The following CDKAL1 variants were observed in gnomAD, a reference collection of about 807,000 sequenced individuals.
CDKAL1 encodes the protein CDKAL1 threonylcarbamoyladenosine tRNA methylthiotransferase.
CDKAL1 carries 32 observed loss-of-function variants against 68.2 expected under a neutral mutation model. That is an observed-to-expected ratio of 0.47 (90% CI 0.35 to 0.63). The LOEUF (loss-of-function observed/expected upper bound fraction) is 0.63, where lower values mean the gene tolerates loss of function less well. Among genes scored for constraint, CDKAL1 ranks in the 30% least tolerant of loss-of-function variants. The probability of loss-of-function intolerance (pLI) is 0.00; values close to 1 mark genes in which losing one functional copy is unlikely to be tolerated. For synonymous variants in CDKAL1, 234 were observed against 244.3 expected (o/e 0.96, Z 0.39); for missense variants, 606 against 696.7 (o/e 0.87, Z 1.47).
intron 9 of CDKAL1, among the ~76,000 whole-genome samples, chr6:20,952,986 C>T (rs1478734609): frequency 6.6e-6 from 1 of 152,248 alleles, no homozygotes; most frequent in East Asian, 1.9e-4. Flanking sequence ...AGAACAAGAT[C>T]ATCTTTGACA....
At chr6:20,793,300 A>G (rs1198339221) in intron 8 of CDKAL1, among the ~76,000 whole-genome samples, 2 of 152,120 alleles carry the variant, frequency 1.3e-5, no homozygotes, top group Admixed American at 6.6e-5. Context: ...TTAATTCTCA[A>G]TTATATGCAA....
At chr6:20,556,883 A>G (rs940530973) in intron 4 of CDKAL1, among the ~76,000 whole-genome samples, 15 of 151,592 alleles carry the variant, frequency 9.9e-5, no homozygotes, top group Admixed American at 2.6e-4. Flanking sequence ...TAAAAGTACA[A>G]AAAAATTAGC....
chr6:21,205,730 A>G (rs1258813334), intron 15 of CDKAL1, among the ~76,000 whole-genome samples: 1 of 147,210 alleles, frequency 6.8e-6, no homozygotes, highest in African/African-American at 2.5e-5. Flanking sequence ...ACGGGGTTTC[A>G]CTGTGTTAGC....
chr6:20,923,468 C>A (rs1763050827), intron 9 of CDKAL1, among the ~76,000 whole-genome samples: 1 of 152,052 alleles, frequency 6.6e-6, no homozygotes, highest in Non-Finnish European at 1.5e-5. Context: ...GATCAATGAT[C>A]TTTGAGGTTA....
chr6:20,777,484 G>A (rs1457802350), intron 7 of CDKAL1, among the ~76,000 whole-genome samples: 5 of 152,014 alleles, frequency 3.3e-5, no homozygotes, highest in South Asian at 2.1e-4. Context: ...ACGTGGTGGC[G>A]CACACCTATA....
chr6:20,805,870 AAACTT>A (rs1417875277), intron 8 of CDKAL1, among the ~76,000 whole-genome samples: 1 of 152,254 alleles, frequency 6.6e-6, no homozygotes, highest in East Asian at 1.9e-4. Context: ...CACTGAAAAT[AAACTT>A]AAGACTATTT....
intron 12 of CDKAL1, among the ~76,000 whole-genome samples, chr6:21,075,875 T>C (rs542866938): frequency 6.6e-6 from 1 of 152,304 alleles, no homozygotes; most frequent in South Asian, 2.1e-4. Flanking sequence ...GAAATTATTG[T>C]GAAATCTTTA....
intron 12 of CDKAL1, among the ~76,000 whole-genome samples, chr6:21,076,878 G>A (rs906112071): frequency 6.6e-6 from 1 of 151,930 alleles, no homozygotes; most frequent in African/African-American, 2.4e-5. Flanking sequence ...ATTTTCGATG[G>A]AGTTTTTAGC....
chr6:21,085,731 T>C (rs1213603677), intron 12 of CDKAL1, among the ~76,000 whole-genome samples: 1 of 152,224 alleles, frequency 6.6e-6, no homozygotes, highest in East Asian at 1.9e-4. Context: ...CTCCTGGATC[T>C]ACAGCCGCAT....
intron 8 of CDKAL1, among the ~76,000 whole-genome samples, chr6:20,811,803 A>T (rs1282288304): frequency 2.0e-5 from 3 of 151,202 alleles, no homozygotes; most frequent in African/African-American, 7.3e-5. Context: ...AAAAAAAAAA[A>T]GCCTGGACTG....
At chr6:20,698,333 C>A (rs1771195280) in intron 5 of CDKAL1, among the ~76,000 whole-genome samples, 1 of 152,164 alleles carries the variant, frequency 6.6e-6, no homozygotes, top group Non-Finnish European at 1.5e-5. Flanking sequence ...AAATAACATC[C>A]TACATTATTA....
At chr6:20,700,056 AT>A (rs879622187) in intron 5 of CDKAL1, among the ~76,000 whole-genome samples, 2,422 of 143,920 alleles carry the variant, frequency 0.017, 46 homozygotes, top group African/African-American at 0.051. Context: ...TGGATTAGGC[AT>A]TTTTTTTTTT....
chr6:21,130,130 T>A (rs1234993069), intron 13 of CDKAL1, among the ~76,000 whole-genome samples: 3 of 152,148 alleles, frequency 2.0e-5, no homozygotes, highest in Non-Finnish European at 1.5e-5. Flanking sequence ...TTTTAATGTT[T>A]GCATTTCACA....
intron 5 of CDKAL1, among the ~76,000 whole-genome samples, chr6:20,705,565 C>G (rs952527896): frequency 1.4e-4 from 22 of 152,114 alleles, no homozygotes; most frequent in African/African-American, 4.8e-4. Context: ...TTCAGACATT[C>G]GGAGATCTCA....
intron 5 of CDKAL1, among the ~76,000 whole-genome samples, chr6:20,704,672 C>G (rs1378119824): frequency 6.6e-6 from 1 of 152,100 alleles, no homozygotes; most frequent in Admixed American, 6.5e-5. Flanking sequence ...CAGTATAAAA[C>G]CAGAAAACAA....
At chr6:20,893,301 G>A (rs763988433) in intron 9 of CDKAL1, among the ~76,000 whole-genome samples, 3 of 152,082 alleles carry the variant, frequency 2.0e-5, no homozygotes, top group African/African-American at 4.8e-5. Context: ...TGAGGTGTTC[G>A]CTGGCCTTTT....
chr6:20,828,978 A>T (rs1380098998), intron 8 of CDKAL1, among the ~76,000 whole-genome samples: 1 of 152,156 alleles, frequency 6.6e-6, no homozygotes, highest in East Asian at 1.9e-4. Flanking sequence ...AGCTCGCATA[A>T]TGTTCTCAAG....
At chr6:20,623,012 T>C (rs891329068) in intron 4 of CDKAL1, among the ~76,000 whole-genome samples, 3 of 152,130 alleles carry the variant, frequency 2.0e-5, no homozygotes, top group Admixed American at 1.3e-4. Flanking sequence ...TGTCTAAGCA[T>C]ATTTGTGGTG....
At chr6:20,847,718 C>T (rs193071145) in intron 9 of CDKAL1, among the ~76,000 whole-genome samples, 1 of 152,252 alleles carries the variant, frequency 6.6e-6, no homozygotes, top group East Asian at 1.9e-4. Context: ...TATATGGACA[C>T]ATTTATGAAT....
Sources: allele counts gnomAD v4.1 joint callset (sites outside exome capture counted in the v4.1 genomes callset), GRCh38; gene constraint gnomAD v4.1.1; transcripts MANE v1.5; gene names NCBI Gene and HGNC (gene_info 2026-07-23, HGNC 2026-07-21).